Variants in SPOCK3 observed in about 807,000 individuals in gnomAD.
SPOCK3 encodes the protein testican-3.
In SPOCK3, 30 loss-of-function variants were observed where a neutral mutation model predicts 56.6. The observed-to-expected ratio is 0.53, with a 90% confidence interval of 0.40 to 0.72. The LOEUF (loss-of-function observed/expected upper bound fraction) is 0.72, where lower values mean the gene tolerates loss of function less well. Among genes scored for constraint, SPOCK3 ranks in the 30% least tolerant of loss-of-function variants. The probability of loss-of-function intolerance (pLI) is 0.00; values close to 1 mark genes in which losing one functional copy is unlikely to be tolerated. For synonymous variants in SPOCK3, 196 were observed against 183.3 expected, an observed-to-expected ratio of 1.07 and a Z score of -0.56; for missense variants, 527 against 530.0, an observed-to-expected ratio of 0.99 and a Z score of 0.06.
intron 6 of SPOCK3, among the ~76,000 whole-genome samples, chr4:166,805,364 C>T (rs1428386214): frequency 6.6e-6 from 1 of 151,924 alleles, no homozygotes; most frequent in Non-Finnish European, 1.5e-5. Context: ...ACATATAAAA[C>T]AAACATTGCA....
chr4:167,054,635 C>T lies in SPOCK3; in HGVS notation c.235+7857G>A, dbSNP rs1004733406. ...TTTAGCTCATTTTGCAGCAGATTAC[C>T]ATCATCAAAATAGTTTTTACTTAAG... On this transcript the variant is annotated intron_variant, in intron 3 of 10. Coordinates refer to ENST00000357545, the MANE Select transcript of SPOCK3 (RefSeq NM_001040159.2). Among the ~76,000 whole-genome samples, 19 of 152,134 alleles carry T rather than the reference C, an allele frequency of 1.2e-4. 1 individual carries two copies. The highest frequency in any genetic ancestry group is 1.2e-3 in the South Asian group (6 of 4,838).
At chr4:166,955,635 T>G (rs1042619115) in intron 4 of SPOCK3, among the ~76,000 whole-genome samples, 5 of 146,560 alleles carry the variant, frequency 3.4e-5, no homozygotes, top group Non-Finnish European at 6.0e-5. Flanking sequence ...AATTTAATTA[T>G]ATTAAATTTA....
chr4:166,804,430 C>T (rs1280285472), intron 6 of SPOCK3, among the ~76,000 whole-genome samples: 1 of 152,064 alleles, frequency 6.6e-6, no homozygotes, highest in Middle Eastern at 3.4e-3. Flanking sequence ...CAGTCACATT[C>T]TGAGGTAGAA....
intron 4 of SPOCK3, among the ~76,000 whole-genome samples, chr4:166,965,865 T>A (rs940686126): frequency 3.9e-5 from 6 of 152,086 alleles, no homozygotes; most frequent in African/African-American, 7.2e-5. Context: ...ACACAAAATC[T>A]ATTGTTTACA....
At chr4:167,089,108 A>G (rs1460891163) in intron 2 of SPOCK3, among the ~76,000 whole-genome samples, 2 of 152,136 alleles carry the variant, frequency 1.3e-5, no homozygotes, top group Non-Finnish European at 2.9e-5. Flanking sequence ...CAAATCTGAT[A>G]TGTAACTTAA....
chr4:166,965,665 T>G (rs553668794), intron 4 of SPOCK3, among the ~76,000 whole-genome samples: 1 of 152,162 alleles, frequency 6.6e-6, no homozygotes, highest in South Asian at 2.1e-4. Flanking sequence ...TTGCCATTAA[T>G]CAAACATTTG....
intron 4 of SPOCK3, among the ~76,000 whole-genome samples, chr4:166,941,150 CA>C (rs1454667308): frequency 6.6e-6 from 1 of 152,080 alleles, no homozygotes; most frequent in East Asian, 2.0e-4. Flanking sequence ...GGAGGGCTGT[CA>C]GCCAGAAGCT....
At chr4:167,083,511 G>A (rs1757911215) in intron 2 of SPOCK3, among the ~76,000 whole-genome samples, 1 of 152,232 alleles carries the variant, frequency 6.6e-6, no homozygotes, top group East Asian at 1.9e-4. Flanking sequence ...CTGTGTGAAG[G>A]ACTGTATTGT....
At chr4:167,154,237 G>A (rs1468474986) in intron 2 of SPOCK3, among the ~76,000 whole-genome samples, 1 of 151,772 alleles carries the variant, frequency 6.6e-6, no homozygotes, top group Non-Finnish European at 1.5e-5. Flanking sequence ...CACACACAAT[G>A]TTTATGAACA....
chr4:167,169,737 A>T (rs1730328400), intron 2 of SPOCK3, among the ~76,000 whole-genome samples: 1 of 137,580 alleles, frequency 7.3e-6, no homozygotes, highest in African/African-American at 3.0e-5. Context: ...CAGGGGAGGA[A>T]TAAATATGGT....
At chr4:166,989,834 A>G (rs768231763) in intron 4 of SPOCK3, among the ~76,000 whole-genome samples, 1 of 152,176 alleles carries the variant, frequency 6.6e-6, no homozygotes, top group African/African-American at 2.4e-5. Flanking sequence ...TTTCTTTCAT[A>G]TAATAGGCCA....
At position 166,889,788 on chromosome 4, in the gene SPOCK3, G is replaced by A. The variant is rs547429286; in HGVS notation, c.475-544C>T. 3.3e-4 allele frequency among the ~76,000 whole-genome samples: 50 copies of A among 151,958 alleles called. No homozygotes were observed. The South Asian group carries it at 9.9e-3, about 30-fold the overall frequency. On this transcript the variant is annotated intron_variant, in intron 5 of 10. Coordinates refer to ENST00000357545, the MANE Select transcript of SPOCK3 (RefSeq NM_001040159.2). ...AAAATATATATATGTAAATTGATGT[G>A]TTCATTAAATAGTTCTATAGTTACT...
intron 2 of SPOCK3, among the ~76,000 whole-genome samples, chr4:167,109,319 A>G (rs1760611822): frequency 1.1e-5 from 1 of 88,604 alleles, no homozygotes; most frequent in South Asian, 3.5e-4. Flanking sequence ...ATATATTAAT[A>G]TATTAATATA....
chr4:167,004,181 A>G (rs557030581), intron 3 of SPOCK3, among the ~76,000 whole-genome samples: 1 of 152,352 alleles, frequency 6.6e-6, no homozygotes, highest in East Asian at 1.9e-4. Flanking sequence ...CTTACATAAC[A>G]ATATATAATA....
At chr4:166,990,580 A>G (rs1747679139) in intron 4 of SPOCK3, among the ~76,000 whole-genome samples, 1 of 152,140 alleles carries the variant, frequency 6.6e-6, no homozygotes, top group Admixed American at 6.6e-5. Context: ...AAGTTTAAAA[A>G]TTAATATGCT....
intron 2 of SPOCK3, among the ~76,000 whole-genome samples, chr4:167,113,784 T>C (rs1474579704): frequency 2.0e-5 from 3 of 152,086 alleles, no homozygotes; most frequent in Non-Finnish European, 4.4e-5. Context: ...GCACAAGGGC[T>C]ATGGACAAAG....
At chr4:167,132,744 T>C (rs1279696643) in intron 2 of SPOCK3, among the ~76,000 whole-genome samples, 1 of 152,216 alleles carries the variant, frequency 6.6e-6, no homozygotes, top group South Asian at 2.1e-4. Context: ...CCGTAAACCC[T>C]GGCATTCCTT....
At chr4:167,147,360 C>A (rs750973471) in intron 2 of SPOCK3, among the ~76,000 whole-genome samples, 1 of 152,110 alleles carries the variant, frequency 6.6e-6, no homozygotes, top group Non-Finnish European at 1.5e-5. Context: ...GGACTCACAG[C>A]CAAATTATAC....
intron 6 of SPOCK3, among the ~76,000 whole-genome samples, chr4:166,808,407 C>T (rs537832320): frequency 6.6e-6 from 1 of 151,866 alleles, no homozygotes; most frequent in African/African-American, 2.4e-5. Flanking sequence ...TAGGTGGGGC[C>T]CTAATGTGAT....
Sources: gnomAD v4.1 joint callset for allele counts (sites outside exome capture counted in the v4.1 genomes callset) on GRCh38, gnomAD v4.1.1 for gene constraint, MANE v1.5 for transcripts, NCBI Gene and HGNC (gene_info 2026-07-23, HGNC 2026-07-21) for gene names.